COL6A1: variants seen among roughly 807,000 people sequenced by gnomAD.
COL6A1 encodes collagen type VI alpha 1 chain.
A neutral mutation model predicts 145.6 loss-of-function variants in COL6A1; 80 were observed. The observed-to-expected ratio is 0.55, with a 90% confidence interval of 0.46 to 0.66. The LOEUF is 0.66. COL6A1 is among the 30% of genes least tolerant of loss of function. The pLI, the probability that COL6A1 is intolerant of heterozygous loss-of-function variation, is 0.00. For missense variants in COL6A1, 1,364 were observed against 1,473.8 expected, an observed-to-expected ratio of 0.93 and a Z score of 1.22; for synonymous variants, 638 against 622.8, an observed-to-expected ratio of 1.02 and a Z score of -0.36.
chr21:45,998,781 TG>T, intron 24 of COL6A1, 115 bp from the exon 25 acceptor site: 1 of 1,247,698 alleles, frequency 8.0e-7, no homozygotes, highest in Non-Finnish European at 1.1e-6. Context: ...ATGTGTGTGG[TG>T]GGGGAAGGGA....
At chr21:46,003,290 C>T (rs961532530) in intron 34 of COL6A1, 101 bp from the exon 35 acceptor site, 96 of 1,602,176 alleles carry the variant, frequency 6.0e-5, no homozygotes, top group Non-Finnish European at 7.1e-5. Flanking sequence ...TGAGCACCAC[C>T]GTGCCGTGCC....
Position 45,990,754 on chromosome 21 carries a change from G to C in COL6A1, c.1003-19G>C. 1 of 1,612,996 alleles carries C rather than the reference G, an allele frequency of 6.2e-7. No individual in the cohort carries two copies. The highest frequency in any genetic ancestry group is 8.5e-7 in the Non-Finnish European group (1 of 1,179,640). ...ACCCACTTGGCCGTCAGATTTTCTA[G>C]TTTTCTTCCTCTTTCCAGGGGGAGA... On this transcript the variant is annotated intron_variant, in intron 13 of 34. Transcript: ENST00000361866.
chr21:45,991,740 A>G (rs555593045), intron 15 of COL6A1, among the ~76,000 whole-genome samples: 22 of 152,304 alleles, frequency 1.4e-4, no homozygotes, highest in Admixed American at 2.6e-4. Context: ...CAGCCTGGCA[A>G]AGCTGTGCCT....
At chr21:45,995,277 GCCTCAGTCTCTGAT>G (rs1358264604) in intron 20 of COL6A1, among the ~76,000 whole-genome samples, 5 of 152,374 alleles carry the variant, frequency 3.3e-5, no homozygotes, top group African/African-American at 9.6e-5. Context: ...GAAGTGCACG[GCCTCAGTCTCTGAT>G]CCTCTTTGCT....
chr21:45,998,368 C>G (rs748694018), intron 23 of COL6A1, 30 bp from the exon 24 acceptor site: 4 of 1,612,998 alleles, frequency 2.5e-6, no homozygotes, highest in African/African-American at 1.3e-5. Context: ...AATCAGAACC[C>G]GGTATCACTG....
chr21:46,001,760 C>T (rs1029551666), intron 30 of COL6A1, among the ~76,000 whole-genome samples: 3 of 151,802 alleles, frequency 2.0e-5, no homozygotes, highest in African/African-American at 7.3e-5. Context: ...CTCTGGGCAC[C>T]CGGAGCCAAT....
Position 45,983,716 on chromosome 21 carries a change from CCCCGAGTCGCCCTT to C in COL6A1, c.228-552_228-539del, listed in dbSNP as rs1419535631. 3.9e-5 allele frequency among the ~76,000 whole-genome samples: 6 copies of C among 152,262 alleles called. No homozygotes were observed. In the East Asian group the frequency reaches 1.2e-3, roughly 29 times the overall value. On this transcript the variant is annotated intron_variant, in intron 2 of 34. Transcript: ENST00000361866. ...AGGGGCGGCCGCGTGGCCCAGCGTC[CCCCGAGTCGCCCTT>C]GTTGCCTTTACTCAGTCTCCCCATG...
chr21:45,987,376 T>A, intron 6 of COL6A1, 123 bp from the exon 7 acceptor site: 1 of 1,502,656 alleles, frequency 6.7e-7, no homozygotes, highest in Non-Finnish European at 9.2e-7. Context: ...CTGGGACATG[T>A]GTCCGCCTGT....
At chr21:45,996,801 G>C (rs1292502744) in intron 20 of COL6A1, among the ~76,000 whole-genome samples, 5 of 152,208 alleles carry the variant, frequency 3.3e-5, no homozygotes, top group Admixed American at 3.3e-4. Context: ...GCTGGGGCCA[G>C]CTCTGGAAAT....
chr21:45,997,302 C>T, intron 20 of COL6A1, 119 bp from the exon 21 acceptor site: 1 of 933,286 alleles, frequency 1.1e-6, no homozygotes, highest in Non-Finnish European at 1.8e-6. Flanking sequence ...ACTGATGGGA[C>T]TGGGGCCAGA....
rs529325521 is a variant in COL6A1 at position 45,986,997 on chromosome 21, G to T, written c.642G>T (p.Thr214=). The change falls in exon 5 of 35, where the codon ACG becomes ACT. Residue 214 remains threonine, a synonymous_variant. Coordinates refer to ENST00000361866, the MANE Select transcript of COL6A1 (RefSeq NM_001848.3). The part of the protein sequence containing the change: ...ATDHTYRRNF[T]AADWGQSRDA... ...ACCACACGTACCGGCGCAACTTCAC[G>T]GCGGCTGACTGGGGCCAGAGCCGCG... The T allele has an allele frequency of 1.3e-6, 2 of 1,551,554 alleles. No homozygotes were observed. The highest frequency in any genetic ancestry group is 2.4e-5 in the East Asian group (1 of 41,238).
At position 45,992,075 on chromosome 21, in the gene COL6A1, G is replaced by A. The variant is rs62215499; in HGVS notation, c.1182+3G>A. ...GCTCGGGACCATCTGGAGACGAGGTGAGGAGCTTCACAGCCCCCACACATG... is the reference window on the plus strand; with the variant it reads ...GCTCGGGACCATCTGGAGACGAGGTAAGGAGCTTCACAGCCCCCACACATG... On this transcript the variant is annotated splice_donor_region_variant and intron_variant, in intron 16 of 34. Transcript: ENST00000361866. 6,267 of 1,612,882 alleles carry A rather than the reference G, an allele frequency of 3.9e-3. 13 individuals are homozygous for A. Among genetic ancestry groups the A allele is most frequent in the Non-Finnish European group, 4.8e-3 (5,615 of 1,179,720 alleles).
intron 33 of COL6A1, among the ~76,000 whole-genome samples, 181 bp downstream of exon 33, chr21:46,002,891 G>C (rs941035545): frequency 6.6e-6 from 1 of 151,532 alleles, no homozygotes; most frequent in Admixed American, 6.6e-5. Context: ...GGCGCCCAGG[G>C]CTGTCCCAGA....
rs903744865 is a variant in COL6A1 at position 46,000,279 on chromosome 21, C to T, written c.1777-52C>T. 4.3e-6 allele frequency: 7 copies of T among 1,611,512 alleles called. No individual in the cohort carries two copies. The East Asian group carries it at 1.6e-4, about 36-fold the overall frequency. On this transcript the variant is annotated intron_variant, in intron 27 of 34. Coordinates refer to ENST00000361866, the MANE Select transcript of COL6A1 (RefSeq NM_001848.3). ...CTGGAGATCCAGCAGCCCACAGTCC[C>T]CGCTGGGAGGGGCTGTCTATGGCCC...
At chr21:45,996,226 G>A (rs947586399) in intron 20 of COL6A1, among the ~76,000 whole-genome samples, 11 of 152,198 alleles carry the variant, frequency 7.2e-5, no homozygotes, top group Non-Finnish European at 1.5e-4. Flanking sequence ...CCCCCTTTTC[G>A]TGTTCCCAAG....
rs2077830541 is a variant in COL6A1 at position 45,999,924 on chromosome 21, T to TGTGAGGATCATGGGAAGAC, written c.1776+246_1776+247insAAGACGTGAGGATCATGGG. Among the ~76,000 whole-genome samples the TGTGAGGATCATGGGAAGAC allele has an allele frequency of 9.8e-4, 19 of 19,434 alleles. 2 individuals carry two copies. The highest frequency in any genetic ancestry group is 5.1e-3 in the East Asian group (3 of 592). The allele number at this position is 19,434 out of a possible 152,430, so 12.7% of individuals were successfully genotyped here. A position where few individuals can be genotyped will look rare whatever the true frequency, so the allele number is the denominator to read the frequency against. On this transcript the variant is annotated intron_variant, in intron 27 of 34. Coordinates refer to ENST00000361866, the MANE Select transcript of COL6A1 (RefSeq NM_001848.3). The stretch of plus-strand genomic sequence containing the variant: ...GGACATGTGAGGATCATGGGGGACA[T>TGTGAGGATCATGGGAAGAC]GTGAGGATCATGGGGGGGACGTGTG...
chr21:45,998,814 C>T (rs1603593283), intron 24 of COL6A1, 83 bp from the exon 25 acceptor site: 2 of 1,445,672 alleles, frequency 1.4e-6, no homozygotes, highest in Non-Finnish European at 1.9e-6. Flanking sequence ...CCTCTCTTAT[C>T]TTTATTTTTT....
At position 45,984,286 on chromosome 21, in the gene COL6A1, G is replaced by C. The variant is rs773845144; in HGVS notation, c.245G>C (p.Arg82Pro). The change falls in exon 3 of 35, where the codon CGA becomes CCA. Residue 82 changes from arginine (R) to proline (P), a missense_variant. Physicochemically the swap from Arg to Pro is moderately radical, Grantham distance 103 (BLOSUM62 -2). Coordinates refer to ENST00000361866, the MANE Select transcript of COL6A1 (RefSeq NM_001848.3). ...NLRDRYYRCD[R>P]NLVWNAGALH... is the part of the protein sequence containing the mutation. ...CCTGGCAGGTACTACCGCTGTGACC[G>C]AAACCTGGTGTGGAACGCAGGCGCG... 1.2e-6 allele frequency: 2 copies of C among 1,608,906 alleles called. No individual in the cohort carries two copies. Among genetic ancestry groups the C allele is most frequent in the South Asian group, 1.1e-5 (1 of 90,348 alleles).
At chr21:45,999,481 C>T (rs898652834) in intron 26 of COL6A1, 176 bp from the exon 27 acceptor site, 25 of 801,674 alleles carry the variant, frequency 3.1e-5, no homozygotes, top group African/African-American at 6.8e-5. Context: ...CACCAGTGTG[C>T]GAAGCCCCAG....
Sources: gnomAD v4.1 joint callset for allele counts (sites outside exome capture counted in the v4.1 genomes callset) on GRCh38, gnomAD v4.1.1 for gene constraint, MANE v1.5 for transcripts, NCBI Gene and HGNC (gene_info 2026-07-23, HGNC 2026-07-21) for gene names.